Variants in KCNIP4 observed in about 807,000 individuals in gnomAD.
The protein encoded by KCNIP4 is potassium voltage-gated channel interacting protein 4.
KCNIP4 carries 12 observed loss-of-function variants against 34.0 expected under a neutral mutation model. The ratio of observed to expected loss-of-function variants is 0.35; its 90% CI spans 0.23 to 0.57. The LOEUF (loss-of-function observed/expected upper bound fraction) is 0.57. Ranked by LOEUF, KCNIP4 falls within the 20% of genes least tolerant of loss-of-function variation. KCNIP4 has a pLI of 0.83. For missense variants in KCNIP4, 238 were observed against 311.7 expected (o/e 0.76, Z 1.78); for synonymous variants, 124 against 102.2 (o/e 1.21, Z -1.29).
rs538815795 is a variant in KCNIP4 at position 21,049,111 on chromosome 4, C to T, written c.62-166402G>A. On this transcript the variant is annotated intron_variant, in intron 1 of 8. Coordinates refer to ENST00000382152, the MANE Select transcript of KCNIP4 (RefSeq NM_025221.6). ...GACTACAGGCGCCCGCTACCACGCC[C>T]GGCTAATTTTTTGTATTTTTAGTAG... is the stretch of plus-strand genomic sequence containing the variant. Among the ~76,000 whole-genome samples the T allele has an allele frequency of 8.6e-5, 13 of 151,200 alleles. No homozygotes were observed. The East Asian group carries it at 2.3e-3, about 27-fold the overall frequency.
Position 21,418,636 on chromosome 4 carries a change from C to T in KCNIP4, c.61+529935G>A, listed in dbSNP as rs1391466576. On this transcript the variant is annotated intron_variant, in intron 1 of 8. Transcript: ENST00000382152. ...TTGCTATGCAATTTTAAAAAATCAT[C>T]TTTTGGGAGGGAAGAAAGAAGGTCT... is the stretch of plus-strand genomic sequence containing the variant. Among the ~76,000 whole-genome samples the T allele has an allele frequency of 5.3e-5, 8 of 152,244 alleles. No individual in the cohort carries two copies. In the East Asian group the frequency reaches 5.8e-4, roughly 11 times the overall value.
chr4:21,913,139 G>A (rs1578138396), intron 1 of KCNIP4, among the ~76,000 whole-genome samples: 1 of 152,104 alleles, frequency 6.6e-6, no homozygotes, highest in East Asian at 1.9e-4. Context: ...TTAAAAGGTT[G>A]TTAGGCCATA....
chr4:21,357,460 A>G (rs1718750359), intron 1 of KCNIP4, among the ~76,000 whole-genome samples: 1 of 152,216 alleles, frequency 6.6e-6, no homozygotes, highest in Non-Finnish European at 1.5e-5. Context: ...GAGAACTTAA[A>G]CAAATTTACA....
At chr4:21,397,293 T>A (rs913356033) in intron 1 of KCNIP4, among the ~76,000 whole-genome samples, 2 of 152,190 alleles carry the variant, frequency 1.3e-5, no homozygotes, top group Admixed American at 6.5e-5. Flanking sequence ...AACACTCCAT[T>A]GATGTTTCAA....
At chr4:21,298,253 A>G (rs1763955435) in intron 1 of KCNIP4, among the ~76,000 whole-genome samples, 1 of 151,992 alleles carries the variant, frequency 6.6e-6, no homozygotes, top group Non-Finnish European at 1.5e-5. Context: ...CTTGTTTTTT[A>G]CTTGCTGAGA....
At chr4:21,829,168 G>A (rs1018591011) in intron 1 of KCNIP4, among the ~76,000 whole-genome samples, 4 of 151,832 alleles carry the variant, frequency 2.6e-5, no homozygotes, top group Non-Finnish European at 4.4e-5. Flanking sequence ...GTTTGGATCG[G>A]TTATTGATTT....
chr4:21,670,478 GA>G (rs1749389767), intron 1 of KCNIP4, among the ~76,000 whole-genome samples: 1 of 150,766 alleles, frequency 6.6e-6, no homozygotes, highest in South Asian at 2.1e-4. Flanking sequence ...GCTAGATGAC[GA>G]GTTAGTGAGT....
At chr4:21,449,604 A>T (rs1272627851) in intron 1 of KCNIP4, among the ~76,000 whole-genome samples, 1 of 151,272 alleles carries the variant, frequency 6.6e-6, no homozygotes, top group Non-Finnish European at 1.5e-5. Flanking sequence ...ATATATTTAA[A>T]TTACTTTAAG....
intron 1 of KCNIP4, among the ~76,000 whole-genome samples, chr4:21,776,394 C>G (rs970914581): frequency 6.6e-6 from 1 of 152,094 alleles, no homozygotes; most frequent in Admixed American, 6.5e-5. Flanking sequence ...TTGGCCCCGC[C>G]CCAGAAGTTT....
At chr4:20,900,979 A>G (rs1051567241) in intron 1 of KCNIP4, among the ~76,000 whole-genome samples, 5 of 152,166 alleles carry the variant, frequency 3.3e-5, no homozygotes, top group Admixed American at 6.5e-5. Context: ...ATTCAATACA[A>G]TCTCAGCACC....
chr4:21,021,315 C>A (rs1266238739), intron 1 of KCNIP4, among the ~76,000 whole-genome samples: 1 of 152,140 alleles, frequency 6.6e-6, no homozygotes, highest in Non-Finnish European at 1.5e-5. Flanking sequence ...AGTGAGTGGT[C>A]AGTGAATATT....
At chr4:21,157,019 A>C (rs1242865702) in intron 1 of KCNIP4, among the ~76,000 whole-genome samples, 1 of 152,144 alleles carries the variant, frequency 6.6e-6, no homozygotes, top group African/African-American at 2.4e-5. Flanking sequence ...GGCTTAGGGG[A>C]AAGTATGAAG....
chr4:21,215,086 T>C (rs1757464334), intron 1 of KCNIP4, among the ~76,000 whole-genome samples: 1 of 152,166 alleles, frequency 6.6e-6, no homozygotes, highest in South Asian at 2.1e-4. Flanking sequence ...ATTTATCTAA[T>C]TACTCACATT....
chr4:21,633,333 A>G (rs1745894227), intron 1 of KCNIP4, among the ~76,000 whole-genome samples: 1 of 151,956 alleles, frequency 6.6e-6, no homozygotes, highest in South Asian at 2.1e-4. Context: ...CTTCAATTCC[A>G]TTGGATTTGG....
chr4:21,494,403 A>C (rs1370424685), intron 1 of KCNIP4, among the ~76,000 whole-genome samples: 1 of 152,160 alleles, frequency 6.6e-6, no homozygotes, highest in Non-Finnish European at 1.5e-5. Flanking sequence ...GCAAGACTGC[A>C]CCACCAATAA....
intron 1 of KCNIP4, among the ~76,000 whole-genome samples, chr4:21,202,762 A>G (rs1756579697): frequency 6.6e-6 from 1 of 152,040 alleles, no homozygotes; most frequent in Non-Finnish European, 1.5e-5. Flanking sequence ...GGATCTCTAT[A>G]CCTCTAGTTA....
At chr4:21,103,166 CT>C (rs1560722413) in intron 1 of KCNIP4, among the ~76,000 whole-genome samples, 1 of 151,402 alleles carries the variant, frequency 6.6e-6, no homozygotes, top group East Asian at 1.9e-4. Context: ...TAAATAACAG[CT>C]TTTCCATTTA....
At chr4:21,439,554 G>C (rs759214626) in intron 1 of KCNIP4, among the ~76,000 whole-genome samples, 3 of 152,174 alleles carry the variant, frequency 2.0e-5, no homozygotes, top group African/African-American at 7.2e-5. Context: ...TGCAAGTTAG[G>C]ATGATCATGT....
At chr4:20,835,069 G>A (rs1718875905) in intron 3 of KCNIP4, among the ~76,000 whole-genome samples, 1 of 151,926 alleles carries the variant, frequency 6.6e-6, no homozygotes, top group Admixed American at 6.6e-5. Flanking sequence ...AGATTCTGTT[G>A]CTTACCATCA....
Sources: gnomAD v4.1 joint callset for allele counts (sites outside exome capture counted in the v4.1 genomes callset) on GRCh38, gnomAD v4.1.1 for gene constraint, MANE v1.5 for transcripts, NCBI Gene and HGNC (gene_info 2026-07-23, HGNC 2026-07-21) for gene names.